NAV1: variants seen among roughly 807,000 people sequenced by gnomAD.
The protein encoded by NAV1 is pore membrane and/or filament interacting like protein 3.
In NAV1, 18 loss-of-function variants were observed where a neutral mutation model predicts 175.2. The observed-to-expected ratio is 0.10, with a 90% CI of 0.07 to 0.15. NAV1 has a LOEUF of 0.15. Among genes scored for constraint, NAV1 ranks in the 10% least tolerant of loss-of-function variants. The pLI, the probability that NAV1 is intolerant of heterozygous loss-of-function variation, is 1.00. For missense variants in NAV1, 1,731 were observed against 2,436.6 expected (o/e 0.71, Z 6.10); for synonymous variants, 897 against 978.7 (o/e 0.92, Z 1.56).
intron 28 of NAV1, among the ~76,000 whole-genome samples, chr1:201,816,473 G>T (rs2102832336): frequency 6.6e-6 from 1 of 151,928 alleles, no homozygotes; most frequent in South Asian, 2.1e-4. Flanking sequence ...CATCATAAAT[G>T]CATATAATTT....
intron 16 of NAV1, chr1:201,804,041 AC>A (rs952413803): frequency 3.9e-6 from 2 of 506,362 alleles, no homozygotes; most frequent in Non-Finnish European, 7.7e-6. Context: ...TGTCCCCACC[AC>A]CCCCCATTCC....
rs1242519786 is a variant in NAV1 at position 201,750,118 on chromosome 1, T to A, written c.1227-30303T>A. ...CTCAAGTTGGAAAAGCAGAAGTGTA[T>A]CAGGAAAAATTCTATTGGTCCTAGT... On this transcript the variant is annotated intron_variant, in intron 3 of 29. Transcript: ENST00000367296. This position sits in a 1 kb window ranked among gnomAD's most constrained non-coding sequence, Gnocchi z 4.1. Among the ~76,000 whole-genome samples, 1 of 152,148 alleles carries A rather than the reference T, an allele frequency of 6.6e-6. No homozygotes were observed. Among genetic ancestry groups the A allele is most frequent in the Non-Finnish European group, 1.5e-5 (1 of 68,032 alleles).
At chr1:201,555,293 G>A (rs1665979217) in intron 1 of NAV1, among the ~76,000 whole-genome samples, 1 of 152,208 alleles carries the variant, frequency 6.6e-6, no homozygotes, top group Non-Finnish European at 1.5e-5. Flanking sequence ...TGCAGGTAAG[G>A]CAAGAATCAG....
At chr1:201,616,649 A>G (rs1571847544) in intron 2 of NAV1, among the ~76,000 whole-genome samples, 1 of 152,082 alleles carries the variant, frequency 6.6e-6, no homozygotes, top group East Asian at 1.9e-4. Context: ...CACCACGCCC[A>G]GCTAATTTTG....
intron 1 of NAV1, among the ~76,000 whole-genome samples, chr1:201,542,626 G>A (rs1372164016): frequency 6.6e-6 from 1 of 152,086 alleles, no homozygotes; most frequent in Non-Finnish European, 1.5e-5. Context: ...CGTGAAGCGA[G>A]GCAGGATGGC....
chr1:201,816,402 C>T (rs1056685151), intron 28 of NAV1, among the ~76,000 whole-genome samples: 13 of 151,954 alleles, frequency 8.6e-5, no homozygotes, highest in African/African-American at 2.2e-4. Context: ...GTAATACATA[C>T]GTTAATTAGC....
intron 2 of NAV1, among the ~76,000 whole-genome samples, chr1:201,594,719 C>A (rs930486018): frequency 3.9e-5 from 6 of 152,184 alleles, no homozygotes; most frequent in Non-Finnish European, 8.8e-5. Context: ...TTACGGGGAG[C>A]TGGCCTTTCT....
chr1:201,718,737 A>G lies in NAV1; in HGVS notation c.1208A>G (p.Asp403Gly). The G allele has an allele frequency of 6.2e-7, 1 of 1,611,130 alleles. No individual in the cohort carries two copies. Among genetic ancestry groups the G allele is most frequent in the Non-Finnish European group, 8.5e-7 (1 of 1,177,660 alleles). ...CTCATGGGCAAGACCATGACGGAGG[A>G]TGATGACATCACTACCGGGTAAGCG... Residue 403 changes from aspartate to glycine, a missense_variant, in exon 3 of 30, where the codon GAT becomes GGT. By Grantham distance (94) the Asp-to-Gly change is moderately conservative (BLOSUM62 -1). This residue lies in a region of NAV1 where 487 missense variants were observed against 581.3 expected (regional missense o/e 0.84). Transcript: ENST00000367296. This position sits in a 1 kb window ranked among gnomAD's most constrained non-coding sequence, Gnocchi z 4.8.
At chr1:201,757,857 T>G (rs1674609846) in intron 3 of NAV1, among the ~76,000 whole-genome samples, 1 of 152,230 alleles carries the variant, frequency 6.6e-6, no homozygotes, top group African/African-American at 2.4e-5. Context: ...CTGGCCAGCC[T>G]AGTTGCGGTG....
chr1:201,663,123 C>A (rs1484780026), intron 1 of NAV1, among the ~76,000 whole-genome samples: 2 of 152,204 alleles, frequency 1.3e-5, no homozygotes, highest in African/African-American at 4.8e-5. Context: ...TCCAAGACAT[C>A]AGCCAATTCC....
chr1:201,564,243 G>A (rs1174985210), intron 1 of NAV1, among the ~76,000 whole-genome samples: 2 of 152,106 alleles, frequency 1.3e-5, no homozygotes, highest in East Asian at 1.9e-4. Flanking sequence ...AGGTGTGAAA[G>A]GAATAGTTCA....
At chr1:201,570,090 C>A (rs1004295101) in intron 1 of NAV1, among the ~76,000 whole-genome samples, 1 of 152,174 alleles carries the variant, frequency 6.6e-6, no homozygotes, top group Non-Finnish European at 1.5e-5. Flanking sequence ...CCGGGGTGAG[C>A]GCTTCTCTGG....
intron 15 of NAV1, 179 bp downstream of exon 19, chr1:201,794,756 C>G: frequency 1.6e-6 from 1 of 620,294 alleles, no homozygotes; most frequent in South Asian, 2.0e-5. Context: ...AGGGGCATGA[C>G]CCCAGCTTCC....
intron 1 of NAV1, among the ~76,000 whole-genome samples, chr1:201,666,082 G>A (rs1023807348): frequency 6.6e-6 from 1 of 152,032 alleles, no homozygotes; most frequent in Admixed American, 6.5e-5. Context: ...CAGAGGGAGC[G>A]GGTTGCCAGA....
intron 1 of NAV1, among the ~76,000 whole-genome samples, chr1:201,689,971 T>C (rs1417811293): frequency 3.4e-5 from 5 of 149,152 alleles, no homozygotes; most frequent in African/African-American, 1.2e-4. Context: ...GGCAGAATGC[T>C]GGCTATTTCC....
At chr1:201,667,798 T>C (rs1043665288) in intron 1 of NAV1, among the ~76,000 whole-genome samples, 5 of 152,220 alleles carry the variant, frequency 3.3e-5, no homozygotes, top group African/African-American at 1.2e-4. Flanking sequence ...ACTCACATCA[T>C]CGCTCAGTGA....
chr1:201,821,269 C>G (rs1679361398), exon 30 of NAV1: 1 of 152,608 alleles, frequency 6.6e-6, no homozygotes, highest in African/African-American at 2.4e-5. Context: ...CTGGCTCTTA[C>G]TATTTTTCAC....
intron 1 of NAV1, among the ~76,000 whole-genome samples, chr1:201,681,260 A>G (rs1037433032): frequency 4.6e-5 from 7 of 152,188 alleles, no homozygotes; most frequent in African/African-American, 1.7e-4. Flanking sequence ...ATCTGCCAGC[A>G]TTTCCCTGAG....
In NAV1 at chr1:201,739,916, G is replaced by A. The variant is rs1181803280; in HGVS notation, c.1226+21161G>A. The A allele has an allele frequency of 3.8e-6, 5 of 1,301,608 alleles. No homozygotes were observed. In the South Asian group the frequency reaches 7.4e-5, roughly 19 times the overall value. 80.6% of individuals were successfully genotyped at this position (1,301,608 alleles called of 1,614,324 possible). ...GCGAGGGTTAGGTTTCCGACCCTCC[G>A]CGTGGCCCACAGCTCATACCTTTTC... On this transcript the variant is annotated intron_variant, in intron 3 of 29. Transcript: ENST00000367296.
Sources: allele counts gnomAD v4.1 joint callset (sites outside exome capture counted in the v4.1 genomes callset), GRCh38; gene constraint gnomAD v4.1.1; regional missense constraint gnomAD v4.1.1; non-coding constraint Gnocchi (gnomAD v3.1); transcripts MANE v1.5; gene names NCBI Gene and HGNC (gene_info 2026-07-23, HGNC 2026-07-21).